SYT9: variants seen among roughly 807,000 people sequenced by gnomAD.
The protein encoded by SYT9 is synaptotagmin 9.
Under a neutral mutation model 48.4 loss-of-function variants are expected in SYT9, and 22 were observed. The observed-to-expected ratio is 0.45, with a 90% CI of 0.32 to 0.65. The LOEUF (loss-of-function observed/expected upper bound fraction) is 0.65. Ranked by LOEUF, SYT9 falls within the 30% of genes least tolerant of loss-of-function variation. The probability of loss-of-function intolerance (pLI) is 0.03; values close to 1 mark genes in which losing one functional copy is unlikely to be tolerated. For synonymous variants in SYT9, 265 were observed against 245.0 expected (o/e 1.08, Z -0.76); for missense variants, 577 against 622.0 (o/e 0.93, Z 0.77).
intron 1 of SYT9, among the ~76,000 whole-genome samples, chr11:7,290,541 T>C (rs1032699578): frequency 2.6e-5 from 4 of 152,240 alleles, no homozygotes; most frequent in Non-Finnish European, 4.4e-5. Context: ...AATGTAATCT[T>C]AATGCCTATT....
chr11:7,460,346 A>T (rs1410487139), intron 6 of SYT9, among the ~76,000 whole-genome samples: 2 of 152,214 alleles, frequency 1.3e-5, no homozygotes, highest in Non-Finnish European at 2.9e-5. Context: ...TTAAATGAGA[A>T]AAAAGATATA....
At chr11:7,276,073 C>T (rs975755396) in intron 1 of SYT9, among the ~76,000 whole-genome samples, 1 of 152,104 alleles carries the variant, frequency 6.6e-6, no homozygotes, top group Non-Finnish European at 1.5e-5. Flanking sequence ...TACACCATCC[C>T]CCACCCCCAG....
intron 3 of SYT9, among the ~76,000 whole-genome samples, chr11:7,397,564 T>C (rs1187013786): frequency 6.6e-6 from 1 of 152,154 alleles, no homozygotes; most frequent in Non-Finnish European, 1.5e-5. Context: ...GAAATATATA[T>C]TGGGATTTTG....
chr11:7,433,891 C>T (rs1011677292), intron 6 of SYT9, among the ~76,000 whole-genome samples: 5 of 152,258 alleles, frequency 3.3e-5, no homozygotes, highest in East Asian at 1.9e-4. Flanking sequence ...AAGACATCCC[C>T]CTTAATGACT....
intron 3 of SYT9, among the ~76,000 whole-genome samples, chr11:7,319,701 G>A (rs1464484529): frequency 1.3e-5 from 2 of 152,110 alleles, no homozygotes; most frequent in Non-Finnish European, 2.9e-5. Flanking sequence ...GCATGATGTT[G>A]GGGATAATAT....
chr11:7,305,995 T>C (rs1229183118), intron 2 of SYT9, among the ~76,000 whole-genome samples: 2 of 152,186 alleles, frequency 1.3e-5, no homozygotes, highest in Middle Eastern at 3.2e-3. Flanking sequence ...CTTCTAAGAA[T>C]GTTTCTGGTC....
chr11:7,248,185 G>T (rs558838129), upstream of SYT9, among the ~76,000 whole-genome samples: 647 of 151,256 alleles, frequency 4.3e-3, 6 homozygotes, highest in African/African-American at 0.014. Context: ...TGTTTTTTTC[G>T]TGTTGATTTG....
intron 2 of SYT9, 111 bp from the exon 3 acceptor site, chr11:7,313,284 A>G: frequency 2.6e-6 from 3 of 1,160,684 alleles, no homozygotes; most frequent in African/African-American, 1.6e-5. Context: ...AGGCCCACAG[A>G]TCTAAGCTCC....
chr11:7,407,675 C>T lies in SYT9; in HGVS notation c.1045-8367C>T, dbSNP rs558567047. 3.8e-5 allele frequency among the ~76,000 whole-genome samples: 2 copies of T among 52,218 alleles called. 1 individual carries two copies. Among genetic ancestry groups the T allele is most frequent in the Non-Finnish European group, 7.5e-5 (2 of 26,814 alleles). The allele number at this position is 52,218 out of a possible 152,430, so 34.3% of individuals were successfully genotyped here. On this transcript the variant is annotated intron_variant, in intron 3 of 6. Coordinates refer to ENST00000318881, the MANE Select transcript of SYT9 (RefSeq NM_175733.4). ...GATTACAGGCGTGAGCCACCGCGCC[C>T]GGCCTTAAGTCTATAATTTATCTTC...
rs747704599 is a variant in SYT9 at position 7,335,775 on chromosome 11, T to C, written c.1044+21834T>C. Among the ~76,000 whole-genome samples the C allele has an allele frequency of 2.6e-5, 4 of 152,320 alleles. 1 individual carries two copies. The South Asian group carries it at 6.2e-4, about 24-fold the overall frequency. ...GATGGGCATTTAGGTTGATTCCATG[T>C]CTTGCTATTGTGAATAGTGCTGCAA... On this transcript the variant is annotated intron_variant, in intron 3 of 6. Coordinates refer to ENST00000318881, the MANE Select transcript of SYT9 (RefSeq NM_175733.4).
chr11:7,301,450 A>G (rs1848918841), intron 1 of SYT9, among the ~76,000 whole-genome samples: 1 of 152,234 alleles, frequency 6.6e-6, no homozygotes, highest in Non-Finnish European at 1.5e-5. Flanking sequence ...AGTGACTTGC[A>G]GGAGGGGTTC....
intron 1 of SYT9, among the ~76,000 whole-genome samples, chr11:7,282,009 C>T (rs1487838201): frequency 6.6e-6 from 1 of 152,126 alleles, no homozygotes; most frequent in African/African-American, 2.4e-5. Flanking sequence ...GCTTGCCAAA[C>T]AAATATAAAC....
chr11:7,457,869 G>T (rs1317621440), intron 6 of SYT9: 1 of 152,162 alleles, frequency 6.6e-6, no homozygotes, highest in Non-Finnish European at 1.5e-5. Context: ...CAAGCCTGGG[G>T]TCACTATTTT....
At chr11:7,454,412 C>A in intron 6 of SYT9, 2 of 614,260 alleles carry the variant, frequency 3.3e-6, no homozygotes, top group Non-Finnish European at 4.1e-6. Flanking sequence ...CTTCTCCCTG[C>A]CCTATCCCCA....
chr11:7,398,923 G>C (rs1846819231), intron 3 of SYT9, among the ~76,000 whole-genome samples: 1 of 149,402 alleles, frequency 6.7e-6, no homozygotes, highest in South Asian at 2.2e-4. Flanking sequence ...TTCCACAAAG[G>C]ACAATACAGT....
chr11:7,255,846 A>T (rs910134879), intron 1 of SYT9, among the ~76,000 whole-genome samples: 6 of 152,166 alleles, frequency 3.9e-5, no homozygotes, highest in African/African-American at 1.4e-4. Flanking sequence ...TTGAACAGTG[A>T]CCTGAGGTAT....
At chr11:7,407,215 T>C (rs1464448697) in intron 3 of SYT9, among the ~76,000 whole-genome samples, 1 of 152,120 alleles carries the variant, frequency 6.6e-6, no homozygotes, top group Non-Finnish European at 1.5e-5. Flanking sequence ...AAATTTAATA[T>C]AATCCCATTT....
intron 1 of SYT9, among the ~76,000 whole-genome samples, chr11:7,275,508 T>C (rs1295412753): frequency 3.3e-5 from 5 of 152,228 alleles, no homozygotes; most frequent in Non-Finnish European, 7.3e-5. Context: ...TTTCTTTTCT[T>C]CTACTTGCCC....
intron 2 of SYT9, among the ~76,000 whole-genome samples, chr11:7,310,161 T>A (rs1283697237): frequency 6.6e-6 from 1 of 152,080 alleles, no homozygotes; most frequent in African/African-American, 2.4e-5. Context: ...TGAGATGGAG[T>A]CTTTCTCTGT....
Sources: gnomAD v4.1 joint callset for allele counts (sites outside exome capture counted in the v4.1 genomes callset) on GRCh38, gnomAD v4.1.1 for gene constraint, MANE v1.5 for transcripts, NCBI Gene and HGNC (gene_info 2026-07-23, HGNC 2026-07-21) for gene names.